CRPPA: variants seen among roughly 807,000 people sequenced by gnomAD.
CRPPA encodes the protein CDP-L-ribitol pyrophosphorylase A.
A neutral mutation model predicts 52.0 loss-of-function variants in CRPPA; 43 were observed. The observed-to-expected ratio is 0.83, with a 90% CI of 0.65 to 1.07. The LOEUF (loss-of-function observed/expected upper bound fraction) is 1.07. CRPPA is among the 50% of genes least tolerant of loss of function. The probability of loss-of-function intolerance (pLI) is 0.00; values close to 1 mark genes in which losing one functional copy is unlikely to be tolerated. For missense variants in CRPPA, 629 were observed against 551.7 expected, an observed-to-expected ratio of 1.14 and a Z score of -1.40; for synonymous variants, 250 against 203.5, an observed-to-expected ratio of 1.23 and a Z score of -1.94.
At chr7:16,274,773 G>A (rs1049744041) in intron 6 of CRPPA, among the ~76,000 whole-genome samples, 1 of 152,086 alleles carries the variant, frequency 6.6e-6, no homozygotes, top group Non-Finnish European at 1.5e-5. Context: ...GAAATTAAAA[G>A]AGAAATTTAA....
At chr7:16,356,628 TAC>T (rs1223435577) in intron 3 of CRPPA, among the ~76,000 whole-genome samples, 4 of 152,206 alleles carry the variant, frequency 2.6e-5, no homozygotes, top group African/African-American at 9.6e-5. Flanking sequence ...CAATAGAGAC[TAC>T]ATTTCATATT....
chr7:16,183,736 T>C (rs976033665), intron 9 of CRPPA, among the ~76,000 whole-genome samples: 4 of 152,014 alleles, frequency 2.6e-5, no homozygotes, highest in Admixed American at 2.0e-4. Flanking sequence ...ATTTATTACA[T>C]ACAATTCTGC....
At chr7:16,203,032 C>A (rs1310383731) in intron 9 of CRPPA, among the ~76,000 whole-genome samples, 1 of 152,116 alleles carries the variant, frequency 6.6e-6, no homozygotes, top group East Asian at 1.9e-4. Flanking sequence ...GTATATTTCA[C>A]AAGTGGTTAA....
chr7:16,313,271 A>G (rs1785073556), intron 3 of CRPPA, among the ~76,000 whole-genome samples: 1 of 151,874 alleles, frequency 6.6e-6, no homozygotes, highest in Admixed American at 6.6e-5. Context: ...AAGATTTCCT[A>G]GTTCTTCCTG....
rs146966180 is a variant in CRPPA at position 16,304,647 on chromosome 7, A to G, written c.790-3181T>C. On this transcript the variant is annotated intron_variant, in intron 4 of 9. Transcript: ENST00000407010. The stretch of plus-strand genomic sequence containing the variant: ...CAGAGCAAGACTCCATCTCAAAAAA[A>G]TTAATTAATTAAAGAAAATAAAATA... Among the ~76,000 whole-genome samples, 375 of 152,234 alleles carry G rather than the reference A, an allele frequency of 2.5e-3. 2 individuals are homozygous for G. The highest frequency in any genetic ancestry group is 8.6e-3 in the African/African-American group (359 of 41,538).
At position 16,274,300 on chromosome 7, in the gene CRPPA, G is replaced by A. The variant is rs536018062; in HGVS notation, c.933+3829C>T. ...CCTGACTTCGTGATCCGCCCACCTC[G>A]GATCCCAAATTGCTGGGATTACGGA... On this transcript the variant is annotated intron_variant, in intron 6 of 9. Coordinates refer to ENST00000407010, the MANE Select transcript of CRPPA (RefSeq NM_001101426.4). Among the ~76,000 whole-genome samples the A allele has an allele frequency of 1.5e-4, 23 of 152,172 alleles. No individual in the cohort carries two copies. In the East Asian group the frequency reaches 3.1e-3, roughly 20 times the overall value.
At chr7:16,281,056 C>T (rs1784311724) in intron 5 of CRPPA, among the ~76,000 whole-genome samples, 1 of 152,140 alleles carries the variant, frequency 6.6e-6, no homozygotes, top group Admixed American at 6.5e-5. Context: ...TTATCCTATG[C>T]CATGTTTCAG....
chr7:16,389,928 A>AAAAAAAAAAAAAAAAAAAT, intron 2 of CRPPA, among the ~76,000 whole-genome samples: 4 of 29,760 alleles, frequency 1.3e-4, no homozygotes, highest in African/African-American at 3.5e-4. Context: ...AAAAAAAAAA[A>AAAAAAAAAAAAAAAAAAAT]ATATATATAT....
intron 5 of CRPPA, among the ~76,000 whole-genome samples, chr7:16,286,058 T>TA (rs1562608478): frequency 6.5e-5 from 2 of 30,998 alleles, no homozygotes; most frequent in African/African-American, 4.7e-4. Context: ...TATATATATA[T>TA]ATATATATAT....
At chr7:16,399,397 C>T (rs572181011) in intron 2 of CRPPA, among the ~76,000 whole-genome samples, 1 of 131,686 alleles carries the variant, frequency 7.6e-6, no homozygotes, top group Non-Finnish European at 1.6e-5. Context: ...AAGTGATTGG[C>T]ATGTGACACC....
chr7:16,211,282 A>T (rs530296318), intron 9 of CRPPA, among the ~76,000 whole-genome samples: 70 of 152,298 alleles, frequency 4.6e-4, no homozygotes, highest in African/African-American at 1.5e-3. Flanking sequence ...ATATTTTATG[A>T]CCTTTGTATT....
At chr7:16,242,143 A>G (rs1451609575) in intron 8 of CRPPA, among the ~76,000 whole-genome samples, 2 of 151,488 alleles carry the variant, frequency 1.3e-5, no homozygotes, top group African/African-American at 2.4e-5. Flanking sequence ...TTTAGTAGAG[A>G]TGGGATTTTA....
Position 16,091,661 on chromosome 7 carries a change from G to A in CRPPA, c.*34C>T, listed in dbSNP as rs16878689. 2.7e-4 allele frequency: 318 copies of A among 1,190,706 alleles called. No homozygotes were observed. The African/African-American group carries it at 4.5e-3, about 17-fold the overall frequency. 73.8% of individuals were successfully genotyped at this position (1,190,706 alleles called of 1,614,324 possible). ...AAAGCACAATTAAGATACGCAAATA[G>A]ATGTTTTAGAAAATAGGTAATTTTT... On this transcript the variant is annotated 3_prime_UTR_variant, in exon 10 of 10. Transcript: ENST00000407010.
At chr7:16,276,305 A>C (rs1784203133) in intron 6 of CRPPA, among the ~76,000 whole-genome samples, 1 of 152,200 alleles carries the variant, frequency 6.6e-6, no homozygotes, top group Non-Finnish European at 1.5e-5. Flanking sequence ...ACTACACAGA[A>C]GCATCCACTA....
intron 9 of CRPPA, among the ~76,000 whole-genome samples, chr7:16,150,141 C>T (rs1783049229): frequency 1.3e-5 from 2 of 151,974 alleles, no homozygotes; most frequent in African/African-American, 2.4e-5. Context: ...CATTACTTAA[C>T]CCTTTTATTC....
intron 8 of CRPPA, 68 bp from the exon 9 acceptor site, chr7:16,216,265 T>C: frequency 9.7e-7 from 1 of 1,031,212 alleles, no homozygotes; most frequent in Non-Finnish European, 1.4e-6. Flanking sequence ...GAAAAAACAT[T>C]AAAGAAGCTC....
chr7:16,311,200 G>A (rs539337425), intron 3 of CRPPA, among the ~76,000 whole-genome samples: 12 of 152,146 alleles, frequency 7.9e-5, no homozygotes, highest in African/African-American at 2.6e-4. Flanking sequence ...TTCAAAGCCC[G>A]TAGTTTAATT....
chr7:16,126,843 C>T (rs1782590490), intron 9 of CRPPA, among the ~76,000 whole-genome samples: 1 of 152,020 alleles, frequency 6.6e-6, no homozygotes, highest in Admixed American at 6.5e-5. Flanking sequence ...ATGAAAGGAA[C>T]ATCAGAGTTT....
At position 16,109,054 on chromosome 7, in the gene CRPPA, G is replaced by C. The variant is rs142152769; in HGVS notation, c.1252-17255C>G. Among the ~76,000 whole-genome samples, 211 of 151,768 alleles carry C rather than the reference G, an allele frequency of 1.4e-3. 7 individuals carry two copies. The East Asian group carries it at 0.035, about 25-fold the overall frequency. On this transcript the variant is annotated intron_variant, in intron 9 of 9. Coordinates refer to ENST00000407010, the MANE Select transcript of CRPPA (RefSeq NM_001101426.4). ...AAAAGACAAACTCGGCCTTAAGTTA[G>C]CAGAAAAAAAGTGGTGATAATAAAG...
Sources: gnomAD v4.1 joint callset for allele counts (sites outside exome capture counted in the v4.1 genomes callset) on GRCh38, gnomAD v4.1.1 for gene constraint, MANE v1.5 for transcripts, NCBI Gene and HGNC (gene_info 2026-07-23, HGNC 2026-07-21) for gene names.